Variants in PDE8B observed in about 807,000 individuals in gnomAD.
PDE8B encodes the protein phosphodiesterase 8B.
PDE8B carries 26 observed loss-of-function variants against 101.3 expected under a neutral mutation model. The ratio of observed to expected loss-of-function variants is 0.26; its 90% CI spans 0.19 to 0.36. The LOEUF (loss-of-function observed/expected upper bound fraction) is 0.36, where lower values mean the gene tolerates loss of function less well. Among genes scored for constraint, PDE8B ranks in the 10% least tolerant of loss-of-function variants. The pLI, the probability that PDE8B is intolerant of heterozygous loss-of-function variation, is 1.00. For missense variants in PDE8B, 810 were observed against 1,163.1 expected (o/e 0.70, Z 4.42); for synonymous variants, 424 against 429.3 (o/e 0.99, Z 0.15).
the PDE8B span, among the ~76,000 whole-genome samples, chr5:77,187,720 C>T: frequency 1.3e-5 from 2 of 152,186 alleles, no homozygotes; most frequent in Non-Finnish European, 2.9e-5. Context: ...CATTCCCTGA[C>T]CCTGGTGTTG....
the PDE8B span, among the ~76,000 whole-genome samples, chr5:77,160,474 A>C: frequency 6.6e-6 from 1 of 152,166 alleles, no homozygotes; most frequent in Non-Finnish European, 1.5e-5. Context: ...GCACAGTCCA[A>C]ACCCATGCTG....
Position 77,305,225 on chromosome 5 carries a change from T to C in PDE8B, c.340-6769T>C, listed in dbSNP as rs115899891. 8.3e-3 allele frequency among the ~76,000 whole-genome samples: 1,258 copies of C among 152,234 alleles called. 16 individuals are homozygous for C. Among genetic ancestry groups the C allele is most frequent in the African/African-American group, 0.028 (1,156 of 41,534 alleles). On this transcript the variant is annotated intron_variant, in intron 1 of 21. Transcript: ENST00000264917. ...CTTGGTGTCAAATAGGACCCAGGCATTGATATATTTTTAAAGTTCCCCAGG... is the reference window on the plus strand; with the variant it reads ...CTTGGTGTCAAATAGGACCCAGGCACTGATATATTTTTAAAGTTCCCCAGG...
chr5:77,193,863 G>A, the PDE8B span, among the ~76,000 whole-genome samples: 1 of 151,750 alleles, frequency 6.6e-6, no homozygotes, highest in Non-Finnish European at 1.5e-5. Context: ...AGCTTTCAGT[G>A]TGAAGGTCTA....
intron 1 of PDE8B, among the ~76,000 whole-genome samples, chr5:77,267,490 G>A (rs1761974118): frequency 6.6e-6 from 1 of 151,748 alleles, no homozygotes; most frequent in Admixed American, 6.6e-5. Context: ...ATGGGTTGAA[G>A]TGAGAGGTCT....
At chr5:77,322,694 A>G (rs966375237) in intron 2 of PDE8B, among the ~76,000 whole-genome samples, 5 of 152,092 alleles carry the variant, frequency 3.3e-5, no homozygotes, top group Admixed American at 1.3e-4. Flanking sequence ...CTAACTGCCT[A>G]CTTCCTTCTG....
At position 77,347,821 on chromosome 5, in the gene PDE8B, C is replaced by T. The variant is rs191210873; in HGVS notation, c.877-1598C>T. 4.6e-5 allele frequency among the ~76,000 whole-genome samples: 7 copies of T among 152,072 alleles called. No homozygotes were observed. In the East Asian group the frequency reaches 5.8e-4, roughly 13 times the overall value. The stretch of plus-strand genomic sequence containing the variant: ...AAGGGTATTATAAGCAGAGAGAGCA[C>T]GTGGGGAAAGGCCCGGAGATGAGAG... On this transcript the variant is annotated intron_variant, in intron 7 of 21. Coordinates refer to ENST00000264917, the MANE Select transcript of PDE8B (RefSeq NM_003719.5).
the PDE8B span, among the ~76,000 whole-genome samples, chr5:77,172,258 G>T: frequency 2.9e-3 from 439 of 152,284 alleles, 2 homozygotes; most frequent in African/African-American, 0.01. Flanking sequence ...GGCCAGCACT[G>T]TGCCTGAACT....
At chr5:77,276,251 C>T (rs536106736) in intron 1 of PDE8B, among the ~76,000 whole-genome samples, 13 of 152,274 alleles carry the variant, frequency 8.5e-5, no homozygotes, top group African/African-American at 1.7e-4. Context: ...AGGGCCTTTG[C>T]GCCTGCTGTT....
At chr5:77,291,317 G>A in intron 1 of PDE8B, 1 of 1,612,860 alleles carries the variant, frequency 6.2e-7, no homozygotes, top group Admixed American at 1.7e-5. Context: ...AGCAGGCAGT[G>A]AGCATGTTTC....
At chr5:77,187,461 CCTAAT>C in the PDE8B span, among the ~76,000 whole-genome samples, 18 of 152,086 alleles carry the variant, frequency 1.2e-4, no homozygotes, top group Middle Eastern at 3.4e-3. Flanking sequence ...GGAGATATAG[CCTAAT>C]CTATAGATGA....
chr5:77,089,537 A>G, the PDE8B span: 1 of 152,296 alleles, frequency 6.6e-6, no homozygotes, highest in African/African-American at 2.4e-5. Flanking sequence ...GTCTTCCACG[A>G]AACCAGTCCC....
chr5:77,337,566 G>T (rs1778428396), intron 6 of PDE8B, among the ~76,000 whole-genome samples: 1 of 152,104 alleles, frequency 6.6e-6, no homozygotes, highest in South Asian at 2.1e-4. Context: ...TTGTAACCTG[G>T]GAAAATGCTT....
At chr5:77,158,180 G>A in the PDE8B span, among the ~76,000 whole-genome samples, 17 of 152,336 alleles carry the variant, frequency 1.1e-4, no homozygotes, top group East Asian at 3.3e-3. Context: ...AGGCTAGATT[G>A]CCTGGTACTG....
rs372993621 is a variant in PDE8B, at chr5:77,346,375, C to T, written c.876+1444C>T. On this transcript the variant is annotated intron_variant, in intron 7 of 21. Coordinates refer to ENST00000264917, the MANE Select transcript of PDE8B (RefSeq NM_003719.5). ...GACAATCGATTCTATTCATGAAGCA[C>T]ATTTGCTTTGCACCTCCCTGTTTTG... Among the ~76,000 whole-genome samples, 146 of 152,282 alleles carry T rather than the reference C, an allele frequency of 9.6e-4. 1 individual carries two copies. Among genetic ancestry groups the T allele is most frequent in the African/African-American group, 2.6e-3 (108 of 41,550 alleles).
chr5:77,219,537 G>T (rs748571173), intron 1 of PDE8B, among the ~76,000 whole-genome samples: 10 of 152,152 alleles, frequency 6.6e-5, no homozygotes, highest in Non-Finnish European at 1.0e-4. Context: ...GATGACAAGG[G>T]TTCAGGATAG....
chr5:77,351,316 C>T lies in PDE8B; in HGVS notation c.1106+163C>T, dbSNP rs538778580. Among the ~76,000 whole-genome samples the T allele has an allele frequency of 3.3e-5, 5 of 152,324 alleles. No individual in the cohort carries two copies. The South Asian group carries it at 1.0e-3, about 32-fold the overall frequency. On this transcript the variant is annotated intron_variant, in intron 9 of 21. Coordinates refer to ENST00000264917, the MANE Select transcript of PDE8B (RefSeq NM_003719.5). ...TGCTTCCACTCAGCCGGCAGCAACC[C>T]CCAAACATGGTTTTCCATGTCTTTT... is the stretch of plus-strand genomic sequence containing the variant.
intron 20 of PDE8B, 130 bp downstream of exon 20, chr5:77,422,118 A>G (rs1796776892): frequency 1.0e-6 from 1 of 998,822 alleles, no homozygotes; most frequent in East Asian, 2.6e-5. Flanking sequence ...GGAAGAAAGC[A>G]GCTTACCCCC....
the PDE8B span, among the ~76,000 whole-genome samples, chr5:77,124,690 G>A: frequency 4.6e-5 from 7 of 152,176 alleles, no homozygotes; most frequent in Non-Finnish European, 8.8e-5. Context: ...CTAAACTCAA[G>A]CTTTTAGTGA....
intron 1 of PDE8B, among the ~76,000 whole-genome samples, chr5:77,309,576 G>A (rs1029075151): frequency 2.0e-5 from 3 of 151,998 alleles, no homozygotes; most frequent in Non-Finnish European, 1.5e-5. Context: ...CAGGGCAAGC[G>A]AAAAGGTACC....
Sources: gnomAD v4.1 joint callset for allele counts (sites outside exome capture counted in the v4.1 genomes callset) on GRCh38, gnomAD v4.1.1 for gene constraint, MANE v1.5 for transcripts, NCBI Gene and HGNC (gene_info 2026-07-23, HGNC 2026-07-21) for gene names.